CDH20: variants seen among roughly 807,000 people sequenced by gnomAD.
CDH20 encodes cadherin-20.
A neutral mutation model predicts 74.2 loss-of-function variants in CDH20; 29 were observed. The observed-to-expected ratio is 0.39, with a 90% CI of 0.29 to 0.53. The LOEUF (loss-of-function observed/expected upper bound fraction) is 0.53, where lower values mean the gene tolerates loss of function less well. CDH20 is among the 20% of genes least tolerant of loss of function. CDH20 has a pLI of 0.69. For synonymous variants in CDH20, 469 were observed against 405.4 expected (o/e 1.16, Z -1.88); for missense variants, 988 against 1,048.3 (o/e 0.94, Z 0.79).
chr18:61,379,661 CAGA>C (rs1911366456), intron 1 of CDH20, among the ~76,000 whole-genome samples: 1 of 152,116 alleles, frequency 6.6e-6, no homozygotes, highest in Non-Finnish European at 1.5e-5. Flanking sequence ...AAGAAAACAT[CAGA>C]AAGGGGCCTT....
chr18:61,348,577 C>T (rs901888876), intron 1 of CDH20, among the ~76,000 whole-genome samples: 2 of 152,174 alleles, frequency 1.3e-5, no homozygotes, highest in Non-Finnish European at 2.9e-5. Context: ...ACCCCTGAAA[C>T]ATACCACTGT....
chr18:61,419,734 T>C lies in CDH20; in HGVS notation c.-152-70668T>C, dbSNP rs551570225. On this transcript the variant is annotated intron_variant, in intron 1 of 11. Coordinates refer to ENST00000262717, the MANE Select transcript of CDH20 (RefSeq NM_031891.4). ...TTTCACACCTTCCACTATCCCAACT[T>C]GCCTCCCAGAGATACTTCAATTTAT... Among the ~76,000 whole-genome samples the C allele has an allele frequency of 4.4e-4, 67 of 152,314 alleles. No individual in the cohort carries two copies. The South Asian group carries it at 9.1e-3, about 21-fold the overall frequency.
At chr18:61,411,062 T>C (rs1388125835) in intron 1 of CDH20, among the ~76,000 whole-genome samples, 4 of 151,718 alleles carry the variant, frequency 2.6e-5, no homozygotes, top group Non-Finnish European at 5.9e-5. Flanking sequence ...TAGCAGGGCG[T>C]GGTGGCGGGA....
At chr18:61,495,869 T>C (rs1599124970) in intron 2 of CDH20, among the ~76,000 whole-genome samples, 1 of 152,206 alleles carries the variant, frequency 6.6e-6, no homozygotes, top group East Asian at 1.9e-4. Context: ...CACCAAGAAC[T>C]GATAGGCTTA....
At chr18:61,436,020 A>G (rs770161174) in intron 1 of CDH20, among the ~76,000 whole-genome samples, 8 of 152,168 alleles carry the variant, frequency 5.3e-5, no homozygotes, top group Non-Finnish European at 1.0e-4. Context: ...ATATAAATGA[A>G]ATCACATATA....
intron 6 of CDH20, among the ~76,000 whole-genome samples, chr18:61,514,078 G>A (rs916448741): frequency 1.6e-4 from 24 of 152,254 alleles, no homozygotes; most frequent in African/African-American, 5.1e-4. Context: ...TCTCCTGGAC[G>A]ATATCCTGCA....
chr18:61,465,860 C>G (rs1490842882), intron 1 of CDH20, among the ~76,000 whole-genome samples: 1 of 151,728 alleles, frequency 6.6e-6, no homozygotes. Flanking sequence ...ATATAAGGCT[C>G]CGACCTGGGC....
chr18:61,365,455 T>C (rs559584882), intron 1 of CDH20, among the ~76,000 whole-genome samples: 1 of 151,448 alleles, frequency 6.6e-6, no homozygotes, highest in East Asian at 1.9e-4. Flanking sequence ...ATAATCACAC[T>C]TTTTTTTTCC....
chr18:61,449,333 C>T (rs921831096), intron 1 of CDH20, among the ~76,000 whole-genome samples: 1 of 152,116 alleles, frequency 6.6e-6, no homozygotes, highest in Non-Finnish European at 1.5e-5. Flanking sequence ...TTGCTATTCA[C>T]CTGTAACTTG....
At chr18:61,454,559 C>T (rs1212904635) in intron 1 of CDH20, among the ~76,000 whole-genome samples, 2 of 152,206 alleles carry the variant, frequency 1.3e-5, no homozygotes, top group East Asian at 3.9e-4. Context: ...CTTCCTACCT[C>T]AGTCCCTTGC....
chr18:61,393,190 C>T (rs1339494816), intron 1 of CDH20, among the ~76,000 whole-genome samples: 2 of 152,156 alleles, frequency 1.3e-5, no homozygotes, highest in African/African-American at 4.8e-5. Flanking sequence ...TGAAAAATTT[C>T]ACTAGAAACC....
At chr18:61,445,334 C>A (rs1473138927) in intron 1 of CDH20, among the ~76,000 whole-genome samples, 3 of 152,090 alleles carry the variant, frequency 2.0e-5, no homozygotes, top group South Asian at 2.1e-4. Context: ...CAGAGAAGTT[C>A]TATAACCTGC....
chr18:61,369,953 A>G (rs759078130), intron 1 of CDH20, among the ~76,000 whole-genome samples: 3 of 152,070 alleles, frequency 2.0e-5, no homozygotes, highest in Non-Finnish European at 4.4e-5. Context: ...ACGAAAAATA[A>G]CTAATGGGTA....
At chr18:61,510,044 T>C (rs1303824523) in intron 6 of CDH20, among the ~76,000 whole-genome samples, 1 of 152,158 alleles carries the variant, frequency 6.6e-6, no homozygotes, top group Non-Finnish European at 1.5e-5. Flanking sequence ...TAGAGTCTAT[T>C]AGACATCAAG....
chr18:61,467,563 C>T (rs972426043), intron 1 of CDH20, among the ~76,000 whole-genome samples: 1 of 152,130 alleles, frequency 6.6e-6, no homozygotes, highest in African/African-American at 2.4e-5. Context: ...TTCACTCCCT[C>T]CCTCCAAAAA....
intron 1 of CDH20, among the ~76,000 whole-genome samples, chr18:61,457,565 A>G (rs1007253102): frequency 1.3e-5 from 2 of 152,170 alleles, no homozygotes; most frequent in African/African-American, 2.4e-5. Flanking sequence ...AAGAAATTCA[A>G]TGCCAGGTCT....
intron 1 of CDH20, among the ~76,000 whole-genome samples, chr18:61,448,165 C>T (rs542565056): frequency 6.6e-6 from 1 of 152,168 alleles, no homozygotes; most frequent in Non-Finnish European, 1.5e-5. Flanking sequence ...GCCTAGTGCT[C>T]ATTAAATATC....
chr18:61,403,468 T>C (rs1249739652), intron 1 of CDH20, among the ~76,000 whole-genome samples: 1 of 152,250 alleles, frequency 6.6e-6, no homozygotes, highest in African/African-American at 2.4e-5. Context: ...GCACTTCATA[T>C]TAGGACTTTT....
chr18:61,389,801 C>T (rs1312383944), intron 1 of CDH20, among the ~76,000 whole-genome samples: 3 of 152,112 alleles, frequency 2.0e-5, no homozygotes, highest in Non-Finnish European at 2.9e-5. Flanking sequence ...TTAATTTGCT[C>T]CTTCTATCAA....
Sources: gnomAD v4.1 joint callset for allele counts (sites outside exome capture counted in the v4.1 genomes callset) on GRCh38, gnomAD v4.1.1 for gene constraint, MANE v1.5 for transcripts, NCBI Gene and HGNC (gene_info 2026-07-23, HGNC 2026-07-21) for gene names.